The following ADK variants were observed in gnomAD, a reference collection of about 807,000 sequenced individuals.
The protein encoded by ADK is adenosine kinase.
ADK carries 24 observed loss-of-function variants against 44.7 expected under a neutral mutation model. The observed-to-expected ratio is 0.54, with a 90% CI of 0.39 to 0.76. The LOEUF (loss-of-function observed/expected upper bound fraction) is 0.76, where lower values mean the gene tolerates loss of function less well. Among genes scored for constraint, ADK ranks in the 30% least tolerant of loss-of-function variants. The probability of loss-of-function intolerance (pLI) is 0.00; values close to 1 mark genes in which losing one functional copy is unlikely to be tolerated. For synonymous variants in ADK, 128 were observed against 142.6 expected (o/e 0.90, Z 0.73); for missense variants, 321 against 425.1 (o/e 0.76, Z 2.15).
chr10:74,319,961 ATT>A (rs1840754263), intron 4 of ADK, among the ~76,000 whole-genome samples: 2 of 152,000 alleles, frequency 1.3e-5, no homozygotes, highest in East Asian at 3.9e-4. Flanking sequence ...TCTTTTATTC[ATT>A]TGTCTTTTAA....
rs34454856 is a variant in ADK, at chr10:74,356,002, A to AT, written c.274-38112dup. Among the ~76,000 whole-genome samples, 522 of 83,284 alleles carry AT rather than the reference A, an allele frequency of 6.3e-3. 70 individuals carry two copies. Among genetic ancestry groups the AT allele is most frequent in the African/African-American group, 0.021 (420 of 19,602 alleles). 54.6% of individuals were successfully genotyped at this position (83,284 alleles called of 152,430 possible). On this transcript the variant is annotated intron_variant, in intron 4 of 10. Transcript: ENST00000539909. ...TCTGAAATATTTCACTAAATAATTCATTTTTTTTTTTTTTTTTTTTTTTTT... is the reference window on the plus strand; with the variant it reads ...TCTGAAATATTTCACTAAATAATTCATTTTTTTTTTTTTTTTTTTTTTTTTT...
intron 9 of ADK, among the ~76,000 whole-genome samples, chr10:74,620,664 T>A (rs956760880): frequency 1.1e-4 from 16 of 152,236 alleles, no homozygotes; most frequent in Middle Eastern, 3.4e-3. Context: ...ATATGGTAGT[T>A]CTGTTTGTTT....
At chr10:74,524,558 A>G (rs1326724182) in intron 6 of ADK, among the ~76,000 whole-genome samples, 1 of 152,126 alleles carries the variant, frequency 6.6e-6, no homozygotes, top group Admixed American at 6.6e-5. Context: ...ACACCCAGCT[A>G]ATTTTTGAAA....
At chr10:74,392,804 AT>A (rs961587702) in intron 4 of ADK, among the ~76,000 whole-genome samples, 60 of 151,360 alleles carry the variant, frequency 4.0e-4, no homozygotes, top group African/African-American at 9.4e-4. Context: ...TTGAGACTTG[AT>A]TTTTTTTTGA....
At chr10:74,436,156 A>G (rs934552120) in intron 6 of ADK, among the ~76,000 whole-genome samples, 7 of 152,244 alleles carry the variant, frequency 4.6e-5, no homozygotes, top group African/African-American at 1.4e-4. Flanking sequence ...AAGGAGGTGC[A>G]TGGCAACAAA....
intron 6 of ADK, among the ~76,000 whole-genome samples, chr10:74,421,928 T>A (rs902099348): frequency 6.6e-6 from 1 of 152,042 alleles, no homozygotes; most frequent in African/African-American, 2.4e-5. Context: ...TATAAATAAG[T>A]AAATGGAGGA....
chr10:74,575,718 G>A (rs1444048568), intron 7 of ADK, among the ~76,000 whole-genome samples: 2 of 152,148 alleles, frequency 1.3e-5, no homozygotes, highest in African/African-American at 4.8e-5. Flanking sequence ...TCAGACTGTG[G>A]AACTGGAACT....
chr10:74,189,262 T>G (rs190105488), intron 1 of ADK, among the ~76,000 whole-genome samples: 14 of 152,362 alleles, frequency 9.2e-5, no homozygotes, highest in Non-Finnish European at 1.9e-4. Context: ...TTGGGGATTT[T>G]TTAGCTATTT....
chr10:74,328,634 T>C (rs1841102253), intron 4 of ADK, among the ~76,000 whole-genome samples: 1 of 152,106 alleles, frequency 6.6e-6, no homozygotes, highest in African/African-American at 2.4e-5. Context: ...TTCTTACAAA[T>C]CTGATGGTTT....
chr10:74,301,386 C>T (rs113650596), intron 3 of ADK, among the ~76,000 whole-genome samples: 5 of 151,478 alleles, frequency 3.3e-5, no homozygotes, highest in African/African-American at 7.3e-5. Context: ...TGGTGGCGTG[C>T]GCCTGTAGTC....
intron 4 of ADK, among the ~76,000 whole-genome samples, chr10:74,322,739 T>C (rs898691941): frequency 6.6e-6 from 1 of 151,742 alleles, no homozygotes; most frequent in African/African-American, 2.4e-5. Flanking sequence ...CTTTCCTTTC[T>C]CTCTCTTCTT....
intron 6 of ADK, among the ~76,000 whole-genome samples, chr10:74,464,244 C>A (rs901308660): frequency 1.3e-5 from 2 of 152,134 alleles, no homozygotes; most frequent in African/African-American, 4.8e-5. Context: ...TGAGTGTGCT[C>A]AAGGTTTGTT....
intron 6 of ADK, among the ~76,000 whole-genome samples, chr10:74,467,243 C>T (rs1846390740): frequency 6.6e-6 from 1 of 152,040 alleles, no homozygotes; most frequent in Non-Finnish European, 1.5e-5. Context: ...TGGTCTCTTA[C>T]CTTTTGAACA....
rs148848268 is a variant in ADK, at chr10:74,634,420, G to A, written c.877+33927G>A. Among the ~76,000 whole-genome samples, 336 of 152,056 alleles carry A rather than the reference G, an allele frequency of 2.2e-3. 2 individuals are homozygous for A. The highest frequency in any genetic ancestry group is 7.8e-3 in the African/African-American group (324 of 41,508). On this transcript the variant is annotated intron_variant, in intron 9 of 10. Coordinates refer to ENST00000539909, the MANE Select transcript of ADK (RefSeq NM_006721.4). Reference sequence around the variant, plus strand: ...TTTTTAGTGGAGACGGGGTTTCACCGTGTTAGCCAGGATGGTCTCGATCTC... The same window carrying A: ...TTTTTAGTGGAGACGGGGTTTCACCATGTTAGCCAGGATGGTCTCGATCTC...
intron 10 of ADK, among the ~76,000 whole-genome samples, chr10:74,674,592 A>C (rs779039415): frequency 6.5e-4 from 99 of 152,154 alleles, no homozygotes; most frequent in Non-Finnish European, 5.1e-4. Context: ...AAATGTAAGT[A>C]CTAAATCAGC....
chr10:74,302,772 C>T (rs1840103639), intron 3 of ADK, among the ~76,000 whole-genome samples: 1 of 151,916 alleles, frequency 6.6e-6, no homozygotes, highest in Non-Finnish European at 1.5e-5. Context: ...CTCCAGCCTC[C>T]ATTACAGAGG....
intron 4 of ADK, among the ~76,000 whole-genome samples, chr10:74,343,387 A>T (rs969273837): frequency 3.3e-5 from 5 of 152,242 alleles, no homozygotes; most frequent in Non-Finnish European, 5.9e-5. Flanking sequence ...ATTATTAAGA[A>T]AATCATGAGA....
At chr10:74,566,132 T>A (rs1448193550) in intron 7 of ADK, among the ~76,000 whole-genome samples, 2 of 152,056 alleles carry the variant, frequency 1.3e-5, no homozygotes, top group Non-Finnish European at 2.9e-5. Flanking sequence ...ACATTCACTT[T>A]CAACTTGTTT....
chr10:74,413,638 C>T (rs1844265361), intron 6 of ADK, among the ~76,000 whole-genome samples: 1 of 152,226 alleles, frequency 6.6e-6, no homozygotes, highest in African/African-American at 2.4e-5. Context: ...AAACTTTCTC[C>T]ATGTCAGCAA....
Sources: allele counts gnomAD v4.1 joint callset (sites outside exome capture counted in the v4.1 genomes callset), GRCh38; gene constraint gnomAD v4.1.1; transcripts MANE v1.5; gene names NCBI Gene and HGNC (gene_info 2026-07-23, HGNC 2026-07-21).